Variants in TASP1 observed in about 807,000 individuals in gnomAD.
TASP1 encodes the protein taspase 1.
TASP1 carries 16 observed loss-of-function variants against 56.6 expected under a neutral mutation model. That is an observed-to-expected ratio of 0.28 (90% confidence interval 0.19 to 0.43). TASP1 has a LOEUF of 0.43. Among genes scored for constraint, TASP1 ranks in the 20% least tolerant of loss-of-function variants. TASP1 has a pLI of 1.00. For missense variants in TASP1, 393 were observed against 511.6 expected (o/e 0.77, Z 2.24); for synonymous variants, 179 against 184.2 (o/e 0.97, Z 0.23).
the TASP1 span, among the ~76,000 whole-genome samples, chr20:13,287,375 C>A: frequency 6.6e-6 from 1 of 152,074 alleles, no homozygotes; most frequent in Non-Finnish European, 1.5e-5. Context: ...GGGAAACTGC[C>A]CCCATGATTC....
the TASP1 span, among the ~76,000 whole-genome samples, chr20:13,160,426 A>G: frequency 6.6e-6 from 1 of 152,194 alleles, no homozygotes; most frequent in Non-Finnish European, 1.5e-5. Flanking sequence ...CTTAAATGCA[A>G]AAGCTGGTCT....
the TASP1 span, among the ~76,000 whole-genome samples, chr20:13,362,342 T>A: frequency 0.29 from 43,746 of 151,046 alleles, 7,290 homozygotes; most frequent in African/African-American, 0.46. Context: ...GGAGTGAATA[T>A]GCCCTGCCCC....
At chr20:13,109,179 T>C in the TASP1 span, among the ~76,000 whole-genome samples, 1 of 152,252 alleles carries the variant, frequency 6.6e-6, no homozygotes, top group Non-Finnish European at 1.5e-5. Context: ...CAACCTCTGA[T>C]AGCAGATAAA....
At chr20:13,494,934 T>A (rs2043666937) in intron 10 of TASP1, among the ~76,000 whole-genome samples, 1 of 151,572 alleles carries the variant, frequency 6.6e-6, no homozygotes, top group East Asian at 1.9e-4. Flanking sequence ...TAAGCCATGG[T>A]GTGCATTTCA....
At chr20:13,430,376 G>A (rs1470920203) in intron 12 of TASP1, among the ~76,000 whole-genome samples, 1 of 152,220 alleles carries the variant, frequency 6.6e-6, no homozygotes, top group Non-Finnish European at 1.5e-5. Flanking sequence ...TGAGATTTCA[G>A]TCAAGATGTT....
the TASP1 span, among the ~76,000 whole-genome samples, chr20:13,272,766 G>A: frequency 6.6e-6 from 1 of 152,232 alleles, no homozygotes; most frequent in Non-Finnish European, 1.5e-5. Context: ...TTTGGAATAG[G>A]TGCAGATTGG....
Position 13,438,386 on chromosome 20 carries a change from C to G in TASP1, c.986-3232G>C, listed in dbSNP as rs1030646813. Among the ~76,000 whole-genome samples, 182 of 152,162 alleles carry G rather than the reference C, an allele frequency of 1.2e-3. 2 individuals carry two copies. Among genetic ancestry groups the G allele is most frequent in the Non-Finnish European group, 2.3e-3 (157 of 68,002 alleles). ...ACCATCTGATCTTTGACAAACCTGA[C>G]AAAAACAAGAAATGGGGAAATGATT... On this transcript the variant is annotated intron_variant, in intron 11 of 13. Transcript: ENST00000337743.
Position 13,515,948 on chromosome 20 carries a change from T to C in TASP1, c.874+12485A>G, listed in dbSNP as rs117230829. 1.2e-3 allele frequency among the ~76,000 whole-genome samples: 182 copies of C among 152,288 alleles called. 7 individuals carry two copies. In the East Asian group the frequency reaches 0.033, roughly 28 times the overall value. On this transcript the variant is annotated intron_variant, in intron 10 of 13. Coordinates refer to ENST00000337743, the MANE Select transcript of TASP1 (RefSeq NM_017714.3). ...ATATGAAGCAACCCATTGGAACTAT[T>C]TGATTTATGTTAAACAGAACTATGG...
At chr20:13,117,434 AT>A in the TASP1 span, 1 of 1,390,946 alleles carries the variant, frequency 7.2e-7, no homozygotes, top group Non-Finnish European at 9.8e-7. Flanking sequence ...TCTAGGATGT[AT>A]TGATGGGGAA....
chr20:13,532,817 C>T (rs2045272602), intron 9 of TASP1, among the ~76,000 whole-genome samples: 1 of 152,160 alleles, frequency 6.6e-6, no homozygotes, highest in Non-Finnish European at 1.5e-5. Flanking sequence ...TCTCTACTAG[C>T]GTATCCAAAT....
chr20:13,462,352 T>C (rs1435674310), intron 11 of TASP1, among the ~76,000 whole-genome samples: 2 of 152,170 alleles, frequency 1.3e-5, no homozygotes, highest in African/African-American at 4.8e-5. Flanking sequence ...TTAGTTAATT[T>C]AAATTTAAAT....
chr20:13,357,987 C>T, the TASP1 span, among the ~76,000 whole-genome samples: 2 of 152,176 alleles, frequency 1.3e-5, no homozygotes, highest in Non-Finnish European at 2.9e-5. Flanking sequence ...TGAATAGGCC[C>T]TGCCGCACCT....
chr20:13,556,700 G>T (rs938050664), intron 8 of TASP1, among the ~76,000 whole-genome samples: 3 of 151,980 alleles, frequency 2.0e-5, no homozygotes, highest in Admixed American at 6.6e-5. Flanking sequence ...ACTCCCACAG[G>T]GCCTCTGCAC....
At chr20:13,109,595 G>A in the TASP1 span, among the ~76,000 whole-genome samples, 1 of 152,120 alleles carries the variant, frequency 6.6e-6, no homozygotes, top group East Asian at 1.9e-4. Flanking sequence ...CAAATATTTT[G>A]AAAAAGAGGC....
At chr20:13,247,007 G>A in the TASP1 span, among the ~76,000 whole-genome samples, 1 of 151,990 alleles carries the variant, frequency 6.6e-6, no homozygotes, top group Non-Finnish European at 1.5e-5. Context: ...AGGCTGAGGC[G>A]GGTGGATCAC....
intron 10 of TASP1, among the ~76,000 whole-genome samples, chr20:13,505,494 A>G (rs888152394): frequency 6.6e-6 from 1 of 152,180 alleles, no homozygotes; most frequent in African/African-American, 2.4e-5. Context: ...TCAAGTGCAC[A>G]CAGGATACTT....
chr20:13,270,916 C>T, the TASP1 span, among the ~76,000 whole-genome samples: 1 of 152,112 alleles, frequency 6.6e-6, no homozygotes, highest in Non-Finnish European at 1.5e-5. Context: ...TTAAGTGACA[C>T]CCTTGATTGT....
chr20:13,480,377 G>A (rs1232844883), intron 11 of TASP1, among the ~76,000 whole-genome samples: 1 of 152,124 alleles, frequency 6.6e-6, no homozygotes, highest in African/African-American at 2.4e-5. Context: ...AAAAGGCAGT[G>A]TTTTCTTGCA....
intron 6 of TASP1, among the ~76,000 whole-genome samples, chr20:13,576,342 G>GAAGAAAGA (rs71188165): frequency 0.057 from 7,453 of 131,550 alleles, 243 homozygotes; most frequent in Admixed American, 0.073. Flanking sequence ...AGAAAGAAAG[G>GAAGAAAGA]AAGAAAGAAA....
Sources: allele counts gnomAD v4.1 joint callset (sites outside exome capture counted in the v4.1 genomes callset), GRCh38; gene constraint gnomAD v4.1.1; transcripts MANE v1.5; gene names NCBI Gene and HGNC (gene_info 2026-07-23, HGNC 2026-07-21).